Variants in EYA4 observed in about 807,000 individuals in gnomAD.
The protein encoded by EYA4 is protein phosphatase EYA4.
EYA4 carries 31 observed loss-of-function variants against 87.9 expected under a neutral mutation model. The ratio of observed to expected loss-of-function variants is 0.35; its 90% CI spans 0.27 to 0.48. The LOEUF (loss-of-function observed/expected upper bound fraction) is 0.48. Among genes scored for constraint, EYA4 ranks in the 20% least tolerant of loss-of-function variants. The probability of loss-of-function intolerance (pLI) is 0.99; values close to 1 mark genes in which losing one functional copy is unlikely to be tolerated. For synonymous variants in EYA4, 263 were observed against 270.6 expected, an observed-to-expected ratio of 0.97 and a Z score of 0.28; for missense variants, 678 against 761.4, an observed-to-expected ratio of 0.89 and a Z score of 1.29.
intron 11 of EYA4, among the ~76,000 whole-genome samples, chr6:133,476,982 T>C (rs1399018936): frequency 6.6e-6 from 1 of 151,790 alleles, no homozygotes; most frequent in Non-Finnish European, 1.5e-5. Flanking sequence ...GTGAGTGAGT[T>C]CTCATGAAAT....
chr6:133,452,410 C>T (rs212769), intron 5 of EYA4, among the ~76,000 whole-genome samples: 58,020 of 151,952 alleles, frequency 0.38, 14,140 homozygotes, highest in Non-Finnish European at 0.54. Flanking sequence ...TGAATTGCAA[C>T]ATATGAATAT....
chr6:133,391,519 C>T (rs1373787336), intron 3 of EYA4, among the ~76,000 whole-genome samples: 1 of 152,172 alleles, frequency 6.6e-6, no homozygotes, highest in Non-Finnish European at 1.5e-5. Context: ...GTCTTTATCT[C>T]TCTGGCTGAC....
At chr6:133,483,156 AT>A (rs911484168) in intron 13 of EYA4, 41 bp downstream of exon 13, 1 of 1,500,326 alleles carries the variant, frequency 6.7e-7, no homozygotes, top group Non-Finnish European at 9.3e-7. Context: ...ATCTTGTTAA[AT>A]TTTTTGTGTT....
intron 18 of EYA4, 120 bp from the exon 19 acceptor site, chr6:133,525,034 G>A: frequency 6.2e-7 from 1 of 1,613,568 alleles, no homozygotes; most frequent in Non-Finnish European, 8.5e-7. Flanking sequence ...GCTGTTTTGA[G>A]CGTATAGTGT....
chr6:133,265,480 G>T (rs939606444), intron 1 of EYA4, among the ~76,000 whole-genome samples: 4 of 151,940 alleles, frequency 2.6e-5, no homozygotes, highest in Non-Finnish European at 4.4e-5. Flanking sequence ...TACTTGATTT[G>T]GAGAATGTTC....
intron 13 of EYA4, among the ~76,000 whole-genome samples, chr6:133,500,363 A>G (rs376519508): frequency 3.9e-5 from 6 of 151,994 alleles, no homozygotes; most frequent in African/African-American, 7.3e-5. Context: ...ATGTACCACT[A>G]TAACCCTACT....
At chr6:133,497,623 AC>A (rs1390245400) in intron 13 of EYA4, among the ~76,000 whole-genome samples, 62 of 152,282 alleles carry the variant, frequency 4.1e-4, no homozygotes, top group African/African-American at 1.3e-3. Flanking sequence ...CAGGATGTAG[AC>A]CAGGAATCAT....
At position 133,506,208 on chromosome 6, in the gene EYA4, C is replaced by G; in HGVS notation, c.1281+13C>G. The G allele has an allele frequency of 2.7e-6, 4 of 1,461,724 alleles. No homozygotes were observed. Among genetic ancestry groups the G allele is most frequent in the Non-Finnish European group, 3.8e-6 (4 of 1,041,392 alleles). 90.5% of individuals were successfully genotyped at this position (1,461,724 alleles called of 1,614,324 possible). On this transcript the variant is annotated intron_variant, in intron 14 of 19. Transcript: ENST00000355286. ...TAATGATTTAGAGGTAAGAATTTTA[C>G]AAGGTACAAATAGTTGTATCCAACA...
At chr6:133,508,424 G>T (rs1216192654) in intron 14 of EYA4, among the ~76,000 whole-genome samples, 2 of 151,930 alleles carry the variant, frequency 1.3e-5, no homozygotes, top group Admixed American at 1.3e-4. Context: ...AACTTTTGGG[G>T]TTAGTTTTTC....
intron 10 of EYA4, among the ~76,000 whole-genome samples, chr6:133,466,560 A>C (rs774234694): frequency 3.9e-4 from 60 of 152,152 alleles, no homozygotes; most frequent in Non-Finnish European, 7.8e-4. Context: ...ACACAAATAA[A>C]TGCAGAATTA....
At chr6:133,413,784 GA>G (rs1789461043) in intron 3 of EYA4, among the ~76,000 whole-genome samples, 1 of 152,070 alleles carries the variant, frequency 6.6e-6, no homozygotes, top group African/African-American at 2.4e-5. Context: ...CTGACTGCTG[GA>G]TATCTCTACT....
chr6:133,444,051 C>T lies in EYA4; in HGVS notation c.84-2579C>T, dbSNP rs1320102168. On this transcript the variant is annotated intron_variant, in intron 3 of 19. Coordinates refer to ENST00000355286, the MANE Select transcript of EYA4 (RefSeq NM_004100.5). ...GTCAATTAGGTCACATTGGTGATAA[C>T]GCTTTCCAAATCTTACGTGTATATT... 6.6e-5 allele frequency among the ~76,000 whole-genome samples: 10 copies of T among 152,148 alleles called. No homozygotes were observed. In the South Asian group the frequency reaches 1.0e-3, roughly 16 times the overall value.
rs536815730 is a variant in EYA4 at position 133,441,499 on chromosome 6, T to C, written c.84-5131T>C. On this transcript the variant is annotated intron_variant, in intron 3 of 19. Coordinates refer to ENST00000355286, the MANE Select transcript of EYA4 (RefSeq NM_004100.5). ...TGCGCACTTACAGATAGAGCAATGGTGAGTGCACACCTGGACAACAGAGGG... is the reference window on the plus strand; with the variant it reads ...TGCGCACTTACAGATAGAGCAATGGCGAGTGCACACCTGGACAACAGAGGG... Among the ~76,000 whole-genome samples, 152 of 152,258 alleles carry C rather than the reference T, an allele frequency of 1.0e-3. 1 individual carries two copies. Among genetic ancestry groups the C allele is most frequent in the African/African-American group, 3.3e-3 (139 of 41,550 alleles).
intron 2 of EYA4, among the ~76,000 whole-genome samples, chr6:133,365,572 G>A (rs890816106): frequency 2.0e-5 from 3 of 152,108 alleles, no homozygotes; most frequent in Admixed American, 2.0e-4. Context: ...GCATGGGGAA[G>A]CACTGGGTTT....
intron 11 of EYA4, among the ~76,000 whole-genome samples, chr6:133,470,956 T>C (rs1329482306): frequency 2.3e-5 from 2 of 87,582 alleles, no homozygotes; most frequent in Non-Finnish European, 4.7e-5. Context: ...CCTGAGACTT[T>C]GCTGAAGTTG....
intron 3 of EYA4, among the ~76,000 whole-genome samples, chr6:133,407,661 A>T (rs889434285): frequency 6.6e-6 from 1 of 152,154 alleles, no homozygotes; most frequent in Non-Finnish European, 1.5e-5. Flanking sequence ...CCCAGTAAGA[A>T]TTTGTGGATC....
rs142020137 is a variant in EYA4, at chr6:133,273,097, G to GTGTATATATATATATATATATATA, written c.-65-1618_-65-1617insGTATATATATATATATATATATAT. 4.8e-3 allele frequency among the ~76,000 whole-genome samples: 507 copies of GTGTATATATATATATATATATATA among 106,570 alleles called. 12 individuals carry two copies. The highest frequency in any genetic ancestry group is 0.015 in the African/African-American group (476 of 31,476). The allele number at this position is 106,570 out of a possible 152,430, so 69.9% of individuals were successfully genotyped here. A position where few individuals can be genotyped will look rare whatever the true frequency, so the allele number is the denominator to read the frequency against. On this transcript the variant is annotated intron_variant, in intron 1 of 19. Transcript: ENST00000355286. ...CAGAACTAATAGGAGATATATATATGTATATATATATATATATATAAAGGG... is the reference window on the plus strand; with the variant it reads ...CAGAACTAATAGGAGATATATATATGTGTATATATATATATATATATATATATATATATATATATATATAAAGGG...
At chr6:133,411,597 T>G (rs556472511) in intron 3 of EYA4, among the ~76,000 whole-genome samples, 1 of 152,206 alleles carries the variant, frequency 6.6e-6, no homozygotes, top group Non-Finnish European at 1.5e-5. Context: ...TTTTTAATTT[T>G]TGTTTCATAA....
At chr6:133,423,244 T>C (rs971792989) in intron 3 of EYA4, among the ~76,000 whole-genome samples, 6 of 152,136 alleles carry the variant, frequency 3.9e-5, no homozygotes, top group Admixed American at 2.6e-4. Flanking sequence ...ATATCAGTAT[T>C]TATGCAAAAT....
Sources: allele counts gnomAD v4.1 joint callset (sites outside exome capture counted in the v4.1 genomes callset), GRCh38; gene constraint gnomAD v4.1.1; transcripts MANE v1.5; gene names NCBI Gene and HGNC (gene_info 2026-07-23, HGNC 2026-07-21).